APBA1: variants seen among roughly 807,000 people sequenced by gnomAD.
APBA1 encodes the protein amyloid-beta A4 precursor protein-binding family A member 1.
In APBA1, 55 loss-of-function variants were observed where a neutral mutation model predicts 86.6. The ratio of observed to expected loss-of-function variants is 0.64; its 90% CI spans 0.51 to 0.80. APBA1 has a LOEUF of 0.80. APBA1 is among the 30% of genes least tolerant of loss of function. The pLI, the probability that APBA1 is intolerant of heterozygous loss-of-function variation, is 0.00. For synonymous variants in APBA1, 511 were observed against 493.9 expected, an observed-to-expected ratio of 1.03 and a Z score of -0.46; for missense variants, 1,090 against 1,183.0, an observed-to-expected ratio of 0.92 and a Z score of 1.15.
chr9:69,619,611 A>G (rs1039709173), intron 1 of APBA1, among the ~76,000 whole-genome samples: 2 of 152,240 alleles, frequency 1.3e-5, no homozygotes, highest in African/African-American at 4.8e-5. Flanking sequence ...CACACAAAAA[A>G]TCAGTTATTC....
chr9:69,663,394 T>C (rs1823788160), intron 1 of APBA1, among the ~76,000 whole-genome samples: 1 of 152,246 alleles, frequency 6.6e-6, no homozygotes, highest in South Asian at 2.1e-4. Context: ...AAGTCCAGTA[T>C]AAAAGTCCAA....
intron 1 of APBA1, among the ~76,000 whole-genome samples, chr9:69,525,155 C>A (rs1039506878): frequency 2.0e-5 from 3 of 152,258 alleles, no homozygotes; most frequent in Non-Finnish European, 4.4e-5. Flanking sequence ...GGAAGCATTA[C>A]CTTTGAGAAC....
intron 11 of APBA1, 82 bp downstream of exon 11, chr9:69,440,914 C>T: frequency 1.3e-6 from 2 of 1,527,504 alleles, no homozygotes; most frequent in Non-Finnish European, 1.8e-6. Context: ...CCTATTTAGC[C>T]ATCTTGGCTC....
chr9:69,626,737 T>C (rs1822939374), intron 1 of APBA1, among the ~76,000 whole-genome samples: 1 of 152,044 alleles, frequency 6.6e-6, no homozygotes, highest in South Asian at 2.1e-4. Context: ...TTTCAAACCC[T>C]AAGAAAAGAA....
At chr9:69,584,126 C>T (rs1821971396) in intron 1 of APBA1, among the ~76,000 whole-genome samples, 1 of 152,184 alleles carries the variant, frequency 6.6e-6, no homozygotes, top group East Asian at 1.9e-4. Context: ...GCTTTTCTCT[C>T]CCAACTTCTG....
chr9:69,453,978 G>C (rs148162136), intron 8 of APBA1, among the ~76,000 whole-genome samples: 296 of 152,322 alleles, frequency 1.9e-3, no homozygotes, highest in Non-Finnish European at 3.2e-3. Context: ...GAAGGGGCTG[G>C]GGGCTGAATC....
intron 1 of APBA1, among the ~76,000 whole-genome samples, chr9:69,596,122 G>A (rs777278902): frequency 4.6e-5 from 7 of 151,980 alleles, no homozygotes; most frequent in Non-Finnish European, 1.0e-4. Context: ...CAAGTAGCTA[G>A]TACTACAGGC....
intron 1 of APBA1, among the ~76,000 whole-genome samples, chr9:69,547,854 T>A (rs985222503): frequency 6.6e-6 from 1 of 152,168 alleles, no homozygotes; most frequent in Non-Finnish European, 1.5e-5. Flanking sequence ...CTGGGGTTCC[T>A]ACCAACCCAA....
At chr9:69,558,003 A>G (rs1836888904) in intron 1 of APBA1, among the ~76,000 whole-genome samples, 1 of 152,200 alleles carries the variant, frequency 6.6e-6, no homozygotes, top group Non-Finnish European at 1.5e-5. Flanking sequence ...TGAGGCATAC[A>G]TGTTAGAATC....
chr9:69,580,857 C>A (rs1415595241), intron 1 of APBA1, among the ~76,000 whole-genome samples: 7 of 152,126 alleles, frequency 4.6e-5, no homozygotes, highest in Non-Finnish European at 8.8e-5. Context: ...GGGTTGTTCT[C>A]AAGCAGCTAA....
At chr9:69,556,713 T>A (rs993484984) in intron 1 of APBA1, among the ~76,000 whole-genome samples, 2 of 152,202 alleles carry the variant, frequency 1.3e-5, no homozygotes, top group Non-Finnish European at 2.9e-5. Flanking sequence ...AAAGCACCCA[T>A]GGGATACATA....
chr9:69,631,987 T>C (rs1823056614), intron 1 of APBA1, among the ~76,000 whole-genome samples: 2 of 152,032 alleles, frequency 1.3e-5, no homozygotes, highest in African/African-American at 2.4e-5. Flanking sequence ...ACATGGCACA[T>C]GTATACATAT....
chr9:69,613,551 T>C (rs981866904), intron 1 of APBA1, among the ~76,000 whole-genome samples: 1 of 152,164 alleles, frequency 6.6e-6, no homozygotes, highest in Admixed American at 6.5e-5. Flanking sequence ...TGAGAGGATA[T>C]ATCTTTTGCT....
chr9:69,665,171 C>T (rs1436140761), intron 1 of APBA1, among the ~76,000 whole-genome samples: 2 of 152,176 alleles, frequency 1.3e-5, no homozygotes, highest in African/African-American at 4.8e-5. Context: ...ATAAAGACCC[C>T]ACTTTCTCCA....
chr9:69,646,538 C>A (rs1381972762), intron 1 of APBA1, among the ~76,000 whole-genome samples: 1 of 152,142 alleles, frequency 6.6e-6, no homozygotes, highest in African/African-American at 2.4e-5. Context: ...CAACATCCAC[C>A]CCTTCTGGAG....
intron 1 of APBA1, among the ~76,000 whole-genome samples, chr9:69,647,704 C>T (rs1823419434): frequency 6.6e-6 from 1 of 152,122 alleles, no homozygotes; most frequent in African/African-American, 2.4e-5. Context: ...TTCCTTAGTG[C>T]GCCAGAATGT....
At chr9:69,590,150 T>A (rs1236780924) in intron 1 of APBA1, among the ~76,000 whole-genome samples, 1 of 152,198 alleles carries the variant, frequency 6.6e-6, no homozygotes, top group Non-Finnish European at 1.5e-5. Flanking sequence ...CTTCATTTTT[T>A]AAAAATAACA....
chr9:69,598,185 C>T (rs1309854325), intron 1 of APBA1, among the ~76,000 whole-genome samples: 1 of 151,116 alleles, frequency 6.6e-6, no homozygotes, highest in Non-Finnish European at 1.5e-5. Context: ...ATCACAAGAA[C>T]AAAAACCAAA....
chr9:69,594,123 G>T (rs1378638659), intron 1 of APBA1, among the ~76,000 whole-genome samples: 2 of 152,066 alleles, frequency 1.3e-5, no homozygotes, highest in Non-Finnish European at 2.9e-5. Flanking sequence ...CTTCCTGCTG[G>T]TTCTGTCCAA....
Sources: allele counts gnomAD v4.1 joint callset (sites outside exome capture counted in the v4.1 genomes callset), GRCh38; gene constraint gnomAD v4.1.1; transcripts MANE v1.5; gene names NCBI Gene and HGNC (gene_info 2026-07-23, HGNC 2026-07-21).